BTBD9: variants seen among roughly 807,000 people sequenced by gnomAD.
BTBD9 encodes BTB/POZ domain-containing protein 9.
A neutral mutation model predicts 64.3 loss-of-function variants in BTBD9; 49 were observed. The ratio of observed to expected loss-of-function variants is 0.76; its 90% CI spans 0.61 to 0.97. The LOEUF (loss-of-function observed/expected upper bound fraction) is 0.97. Among genes scored for constraint, BTBD9 ranks in the 50% least tolerant of loss-of-function variants. The pLI is 0.00. For missense variants in BTBD9, 598 were observed against 762.1 expected (o/e 0.78, Z 2.53); for synonymous variants, 260 against 274.7 (o/e 0.95, Z 0.53).
At chr6:38,538,625 T>C (rs981263080) in intron 6 of BTBD9, among the ~76,000 whole-genome samples, 1 of 152,086 alleles carries the variant, frequency 6.6e-6, no homozygotes, top group Non-Finnish European at 1.5e-5. Context: ...TTTGTTTACC[T>C]TCCCCCGCCC....
chr6:38,607,646 GTGT>G (rs998917273), intron 1 of BTBD9, among the ~76,000 whole-genome samples: 37 of 150,072 alleles, frequency 2.5e-4, no homozygotes, highest in African/African-American at 8.5e-4. Flanking sequence ...CTTTTGAGAA[GTGT>G]TCTTCTAGAC....
intron 5 of BTBD9, 115 bp downstream of exon 5, chr6:38,580,103 T>A (rs923724768): frequency 1.3e-5 from 13 of 969,616 alleles, no homozygotes; most frequent in Middle Eastern, 3.0e-4. Context: ...CTTCAAGAGA[T>A]AGCAGAATGA....
intron 9 of BTBD9, among the ~76,000 whole-genome samples, chr6:38,196,357 G>A (rs1292371465): frequency 1.3e-5 from 2 of 152,154 alleles, no homozygotes; most frequent in Non-Finnish European, 2.9e-5. Context: ...ATCTAGAAAA[G>A]TATTGGCATA....
At chr6:38,313,826 T>C (rs915714029) in intron 7 of BTBD9, among the ~76,000 whole-genome samples, 2 of 150,056 alleles carry the variant, frequency 1.3e-5, no homozygotes, top group African/African-American at 4.9e-5. Context: ...CTTGGCTCAC[T>C]GCAACCTCCG....
At chr6:38,463,419 T>C (rs1448029793) in intron 6 of BTBD9, among the ~76,000 whole-genome samples, 1 of 152,260 alleles carries the variant, frequency 6.6e-6, no homozygotes, top group Non-Finnish European at 1.5e-5. Context: ...CAACGCTAAA[T>C]GGAAGACATG....
At chr6:38,477,083 T>G (rs1207302762) in intron 6 of BTBD9, among the ~76,000 whole-genome samples, 3 of 152,158 alleles carry the variant, frequency 2.0e-5, no homozygotes, top group Admixed American at 2.0e-4. Flanking sequence ...AGGGGATGCA[T>G]CACAAAGACA....
At chr6:38,565,086 AT>A (rs1312541594) in intron 6 of BTBD9, among the ~76,000 whole-genome samples, 9 of 151,458 alleles carry the variant, frequency 5.9e-5, no homozygotes, top group African/African-American at 1.9e-4. Context: ...ATTCTTCTTG[AT>A]TTTTTTTCTC....
intron 8 of BTBD9, among the ~76,000 whole-genome samples, chr6:38,257,261 G>T (rs7753741): frequency 0.036 from 5,522 of 151,366 alleles, 211 homozygotes; most frequent in Admixed American, 0.1. Context: ...TGGACTGCAG[G>T]GATATGATCA....
chr6:38,496,015 T>C (rs1771940133), intron 6 of BTBD9, among the ~76,000 whole-genome samples: 2 of 152,176 alleles, frequency 1.3e-5, no homozygotes, highest in Non-Finnish European at 2.9e-5. Flanking sequence ...TTCAAAATTA[T>C]AATAAAATAC....
chr6:38,523,766 C>A (rs1337098488), intron 6 of BTBD9, among the ~76,000 whole-genome samples: 1 of 152,290 alleles, frequency 6.6e-6, no homozygotes, highest in East Asian at 1.9e-4. Context: ...TTAAATCTCA[C>A]AATAATGCTC....
chr6:38,249,496 C>A (rs1764319503), intron 9 of BTBD9, among the ~76,000 whole-genome samples: 1 of 151,928 alleles, frequency 6.6e-6, no homozygotes, highest in African/African-American at 2.4e-5. Flanking sequence ...GAACTCCTGG[C>A]CTCAAACAAT....
intron 8 of BTBD9, among the ~76,000 whole-genome samples, chr6:38,283,531 C>T (rs1368311371): frequency 1.3e-5 from 2 of 152,100 alleles, no homozygotes; most frequent in African/African-American, 2.4e-5. Flanking sequence ...TGCCTGTGGT[C>T]CCAGCTGCTC....
intron 8 of BTBD9, among the ~76,000 whole-genome samples, chr6:38,270,161 C>T (rs1276182783): frequency 2.0e-5 from 3 of 152,160 alleles, no homozygotes; most frequent in Non-Finnish European, 4.4e-5. Flanking sequence ...TTTGTTCAGC[C>T]GGCTCACTCT....
intron 1 of BTBD9, among the ~76,000 whole-genome samples, chr6:38,628,654 A>G (rs952457372): frequency 6.6e-5 from 10 of 152,212 alleles, no homozygotes; most frequent in African/African-American, 2.4e-4. Context: ...TGGAATACAC[A>G]TACATTGAAA....
chr6:38,318,597 T>C (rs751901074), intron 7 of BTBD9, among the ~76,000 whole-genome samples: 40 of 152,146 alleles, frequency 2.6e-4, no homozygotes, highest in Non-Finnish European at 4.7e-4. Context: ...CTCTTGTTCT[T>C]TTCCCTTACT....
At chr6:38,340,931 C>T (rs1352317252) in intron 7 of BTBD9, among the ~76,000 whole-genome samples, 1 of 152,116 alleles carries the variant, frequency 6.6e-6, no homozygotes, top group African/African-American at 2.4e-5. Flanking sequence ...CTGATTAAGG[C>T]TCTATCTAAC....
At chr6:38,327,231 C>T (rs75514865) in intron 7 of BTBD9, among the ~76,000 whole-genome samples, 1 of 152,172 alleles carries the variant, frequency 6.6e-6, no homozygotes, top group African/African-American at 2.4e-5. Flanking sequence ...CCCATCTTCA[C>T]AATATTAACG....
intron 8 of BTBD9, among the ~76,000 whole-genome samples, chr6:38,268,016 G>A (rs1765072933): frequency 6.6e-6 from 1 of 152,170 alleles, no homozygotes; most frequent in African/African-American, 2.4e-5. Flanking sequence ...GGAAAGAGGT[G>A]AGGCAACTAT....
At chr6:38,397,662 T>C (rs1258579611) in intron 6 of BTBD9, among the ~76,000 whole-genome samples, 1 of 152,238 alleles carries the variant, frequency 6.6e-6, no homozygotes, top group Admixed American at 6.5e-5. Context: ...AGATGCCATG[T>C]GAGCCCATGA....
Sources: gnomAD v4.1 joint callset for allele counts (sites outside exome capture counted in the v4.1 genomes callset) on GRCh38, gnomAD v4.1.1 for gene constraint, MANE v1.5 for transcripts, NCBI Gene and HGNC (gene_info 2026-07-23, HGNC 2026-07-21) for gene names.